The following LRMDA variants were observed in gnomAD, a reference collection of about 807,000 sequenced individuals.
The protein encoded by LRMDA is leucine-rich melanocyte differentiation-associated protein.
A neutral mutation model predicts 29.8 loss-of-function variants in LRMDA; 18 were observed. That is an observed-to-expected ratio of 0.60 (90% CI 0.42 to 0.90). The LOEUF is 0.90. Among genes scored for constraint, LRMDA ranks in the 40% least tolerant of loss-of-function variants. The pLI is 0.00. For synonymous variants in LRMDA, 125 were observed against 109.4 expected (o/e 1.14, Z -0.89); for missense variants, 273 against 273.9 (o/e 1.00, Z 0.02).
At chr10:75,494,891 G>C (rs1845027116) in intron 2 of LRMDA, among the ~76,000 whole-genome samples, 1 of 152,188 alleles carries the variant, frequency 6.6e-6, no homozygotes, top group Non-Finnish European at 1.5e-5. Context: ...CTGTCTCTAG[G>C]GTATGGGATC....
intron 5 of LRMDA, among the ~76,000 whole-genome samples, chr10:76,086,123 C>T (rs546334962): frequency 2.6e-5 from 4 of 152,294 alleles, no homozygotes; most frequent in Admixed American, 6.5e-5. Context: ...TCTAGTTCCT[C>T]GCCTTACCCC....
chr10:75,784,667 C>T (rs146232160), intron 2 of LRMDA, among the ~76,000 whole-genome samples: 20,980 of 147,452 alleles, frequency 0.14, 1,931 homozygotes, highest in Admixed American at 0.23. Context: ...TGCGCCACTG[C>T]ACTACAGCCT....
chr10:75,861,003 G>A (rs1278301148), intron 2 of LRMDA, among the ~76,000 whole-genome samples: 3 of 152,180 alleles, frequency 2.0e-5, no homozygotes, highest in Non-Finnish European at 2.9e-5. Context: ...TTATAAGATA[G>A]CATTTTGTTA....
At chr10:76,373,782 A>C (rs1841484063) in intron 6 of LRMDA, among the ~76,000 whole-genome samples, 1 of 152,102 alleles carries the variant, frequency 6.6e-6, no homozygotes, top group Non-Finnish European at 1.5e-5. Flanking sequence ...TGGGCTTTAT[A>C]GTTCTTTTCT....
At chr10:76,299,202 C>G (rs372708906) in intron 5 of LRMDA, among the ~76,000 whole-genome samples, 1 of 148,900 alleles carries the variant, frequency 6.7e-6, no homozygotes, top group Non-Finnish European at 1.5e-5. Context: ...TGCACGCACG[C>G]GCAATATGTT....
chr10:76,409,524 C>T (rs946110150), intron 6 of LRMDA, among the ~76,000 whole-genome samples: 2 of 151,858 alleles, frequency 1.3e-5, no homozygotes, highest in Non-Finnish European at 2.9e-5. Flanking sequence ...ATTCTGATAC[C>T]CACAATCCAT....
chr10:75,902,492 C>T (rs550335116), intron 2 of LRMDA, among the ~76,000 whole-genome samples: 1 of 99,434 alleles, frequency 1.0e-5, no homozygotes, highest in South Asian at 3.4e-4. Flanking sequence ...CATGCATATT[C>T]TTTGCTTTGG....
At chr10:76,059,490 T>G (rs1848670200) in intron 5 of LRMDA, among the ~76,000 whole-genome samples, 1 of 152,182 alleles carries the variant, frequency 6.6e-6, no homozygotes, top group South Asian at 2.1e-4. Context: ...TGGGAGGAGT[T>G]GGGAGTCCTT....
chr10:75,970,523 A>C (rs1846948302), intron 2 of LRMDA, among the ~76,000 whole-genome samples: 1 of 152,200 alleles, frequency 6.6e-6, no homozygotes, highest in African/African-American at 2.4e-5. Flanking sequence ...TCTAGTTGGT[A>C]CTTTAATTGC....
At chr10:76,258,372 T>C (rs1477156172) in intron 5 of LRMDA, among the ~76,000 whole-genome samples, 1 of 152,208 alleles carries the variant, frequency 6.6e-6, no homozygotes, top group Non-Finnish European at 1.5e-5. Context: ...TACCTAGTGA[T>C]GTTTCAATAC....
intron 5 of LRMDA, among the ~76,000 whole-genome samples, chr10:76,078,987 T>C (rs1251057135): frequency 2.0e-5 from 3 of 152,186 alleles, no homozygotes; most frequent in Admixed American, 6.5e-5. Flanking sequence ...TATATTTACT[T>C]TGTTTATCAG....
At chr10:75,604,792 G>A (rs939478356) in intron 2 of LRMDA, among the ~76,000 whole-genome samples, 3 of 152,146 alleles carry the variant, frequency 2.0e-5, no homozygotes, top group Admixed American at 6.5e-5. Context: ...GGTGTTACCT[G>A]CTGCCCCACC....
chr10:75,613,614 T>A (rs1841061989), intron 2 of LRMDA, among the ~76,000 whole-genome samples: 1 of 152,178 alleles, frequency 6.6e-6, no homozygotes, highest in African/African-American at 2.4e-5. Context: ...TTTGCAGAGT[T>A]CTCCAGGTTT....
At chr10:76,078,261 G>A (rs909155957) in intron 5 of LRMDA, among the ~76,000 whole-genome samples, 6 of 151,422 alleles carry the variant, frequency 4.0e-5, no homozygotes, top group African/African-American at 4.9e-5. Context: ...TGCCCGTCTC[G>A]GCCTCCCAAA....
intron 5 of LRMDA, among the ~76,000 whole-genome samples, chr10:76,181,755 A>G (rs1851054137): frequency 6.6e-6 from 1 of 152,238 alleles, no homozygotes; most frequent in Admixed American, 6.5e-5. Flanking sequence ...AAGTTATAAA[A>G]ACAGGCAAAA....
intron 2 of LRMDA, among the ~76,000 whole-genome samples, chr10:75,652,675 G>A (rs1219023517): frequency 6.6e-6 from 1 of 152,096 alleles, no homozygotes; most frequent in Non-Finnish European, 1.5e-5. Flanking sequence ...TCCTTTGAGG[G>A]AGTCAGTGGG....
At position 76,550,551 on chromosome 10, in the gene LRMDA, C is replaced by T. The variant is rs539221413; in HGVS notation, c.602-6658C>T. ...TTGGGGGTTATAGCATGCACTGTTG[C>T]GATGCAGTACCCCATTCCCACCCAA... On this transcript the variant is annotated intron_variant, in intron 6 of 6. Transcript: ENST00000611255. Among the ~76,000 whole-genome samples, 7 of 135,746 alleles carry T rather than the reference C, an allele frequency of 5.2e-5. No homozygotes were observed. The Middle Eastern group carries it at 0.013, about 242-fold the overall frequency. The allele number at this position is 135,746 out of a possible 152,430, so 89.1% of individuals were successfully genotyped here. A position where few individuals can be genotyped will look rare whatever the true frequency, so the allele number is the denominator to read the frequency against.
At chr10:75,701,028 G>A (rs902580567) in intron 2 of LRMDA, among the ~76,000 whole-genome samples, 21 of 152,188 alleles carry the variant, frequency 1.4e-4, no homozygotes, top group Admixed American at 1.3e-4. Context: ...CCTCGGCATT[G>A]GAGTGGGATG....
intron 2 of LRMDA, among the ~76,000 whole-genome samples, chr10:76,000,851 G>A (rs988064637): frequency 1.3e-5 from 2 of 152,142 alleles, no homozygotes; most frequent in Non-Finnish European, 1.5e-5. Context: ...GAATGGAAGA[G>A]GATGCTTGGT....
Sources: gnomAD v4.1 joint callset for allele counts (sites outside exome capture counted in the v4.1 genomes callset) on GRCh38, gnomAD v4.1.1 for gene constraint, MANE v1.5 for transcripts, NCBI Gene and HGNC (gene_info 2026-07-23, HGNC 2026-07-21) for gene names.